The following TUT4 variants were observed in gnomAD, a reference collection of about 807,000 sequenced individuals.
TUT4 encodes terminal uridylyltransferase 4.
In TUT4, 36 loss-of-function variants were observed where a neutral mutation model predicts 192.2. The ratio of observed to expected loss-of-function variants is 0.19; its 90% CI spans 0.14 to 0.25. TUT4 has a LOEUF of 0.25. Ranked by LOEUF, TUT4 falls within the 10% of genes least tolerant of loss-of-function variation. TUT4 has a pLI of 1.00. For missense variants in TUT4, 1,493 were observed against 1,957.2 expected (o/e 0.76, Z 4.47); for synonymous variants, 618 against 666.0 (o/e 0.93, Z 1.11).
chr1:52,493,169 C>T (rs952119528), intron 7 of TUT4, among the ~76,000 whole-genome samples: 1 of 152,150 alleles, frequency 6.6e-6, no homozygotes, highest in Non-Finnish European at 1.5e-5. Context: ...CTGCAACCTC[C>T]GCATCCCGGG....
At chr1:52,446,952 G>T (rs1418259637) in intron 20 of TUT4, among the ~76,000 whole-genome samples, 3 of 152,060 alleles carry the variant, frequency 2.0e-5, no homozygotes, top group Admixed American at 1.3e-4. Flanking sequence ...CAAGAATAAT[G>T]AAGCAAAACT....
chr1:52,450,148 G>A (rs1295475155), intron 20 of TUT4, among the ~76,000 whole-genome samples: 1 of 152,156 alleles, frequency 6.6e-6, no homozygotes, highest in Non-Finnish European at 1.5e-5. Flanking sequence ...AATGCTCTTA[G>A]CTGTGCCTTA....
chr1:52,522,716 A>T (rs956567498), intron 2 of TUT4, among the ~76,000 whole-genome samples: 2 of 152,148 alleles, frequency 1.3e-5, no homozygotes, highest in Non-Finnish European at 2.9e-5. Context: ...ACCTGAGGTC[A>T]GGAGTCTGAG....
intron 8 of TUT4, 42 bp downstream of exon 8, chr1:52,490,689 TG>T: frequency 6.5e-7 from 1 of 1,549,282 alleles, no homozygotes; most frequent in Non-Finnish European, 8.8e-7. Flanking sequence ...ATTTGGTTGT[TG>T]GGGTTTGTTT....
intron 1 of TUT4, among the ~76,000 whole-genome samples, chr1:52,546,211 A>C (rs567881195): frequency 6.6e-6 from 1 of 152,274 alleles, no homozygotes; most frequent in Non-Finnish European, 1.5e-5. Flanking sequence ...GGTATATACC[A>C]AAAAAATTGA....
At chr1:52,512,823 A>C (rs1380389211) in intron 3 of TUT4, among the ~76,000 whole-genome samples, 2 of 152,188 alleles carry the variant, frequency 1.3e-5, no homozygotes, top group Non-Finnish European at 2.9e-5. Context: ...GGTACAGAGC[A>C]AAAGTCTACA....
chr1:52,438,402 G>C, intron 24 of TUT4, 67 bp from the exon 25 acceptor site: 1 of 1,052,148 alleles, frequency 9.5e-7, no homozygotes, highest in Non-Finnish European at 1.4e-6. Flanking sequence ...ATGGAAAGAA[G>C]ACCAAGATGC....
At chr1:52,534,077 C>T (rs2149552818) in intron 1 of TUT4, among the ~76,000 whole-genome samples, 1 of 152,320 alleles carries the variant, frequency 6.6e-6, no homozygotes, top group East Asian at 1.9e-4. Context: ...GACCTCTTTC[C>T]ACTCCCCTCA....
chr1:52,457,071 T>C (rs1570495418), intron 20 of TUT4, among the ~76,000 whole-genome samples: 1 of 152,186 alleles, frequency 6.6e-6, no homozygotes, highest in South Asian at 2.1e-4. Flanking sequence ...CCAACACAGA[T>C]TCAGCAACTT....
chr1:52,443,460 G>A (rs538795234), intron 24 of TUT4, among the ~76,000 whole-genome samples: 22 of 138,500 alleles, frequency 1.6e-4, no homozygotes, highest in African/African-American at 5.1e-4. Flanking sequence ...GTGGTGGCGC[G>A]TGCCTGTAAT....
chr1:52,453,272 C>A (rs1322201729), intron 20 of TUT4, among the ~76,000 whole-genome samples: 1 of 151,670 alleles, frequency 6.6e-6, no homozygotes, highest in Non-Finnish European at 1.5e-5. Flanking sequence ...ATCCCACCTA[C>A]TGGGGAGGCT....
Position 52,461,086 on chromosome 1 carries a change from A to T in TUT4, c.3321+48T>A, listed in dbSNP as rs748134739. The T allele has an allele frequency of 3.5e-6, 5 of 1,442,868 alleles. No individual in the cohort carries two copies. In the East Asian group the frequency reaches 9.2e-5, roughly 26 times the overall value. The allele number at this position is 1,442,868 out of a possible 1,614,324, so 89.4% of individuals were successfully genotyped here. A position where few individuals can be genotyped will look rare whatever the true frequency, so the allele number is the denominator to read the frequency against. On this transcript the variant is annotated intron_variant, in intron 19 of 29. Coordinates refer to ENST00000257177, the MANE Select transcript of TUT4 (RefSeq NM_001009881.3). ...ACAAATCTGACATTAGTTATGTTTC[A>T]TTTTAATTATCATGAACAAAGCAGA...
intron 1 of TUT4, among the ~76,000 whole-genome samples, chr1:52,527,797 G>C (rs973349966): frequency 1.3e-5 from 2 of 152,118 alleles, no homozygotes; most frequent in East Asian, 1.9e-4. Flanking sequence ...TGTTGAAAGT[G>C]GGGGAGGCTA....
intron 1 of TUT4, among the ~76,000 whole-genome samples, chr1:52,537,151 G>T (rs1462491454): frequency 6.6e-6 from 1 of 151,926 alleles, no homozygotes; most frequent in East Asian, 1.9e-4. Flanking sequence ...CAATAATAGT[G>T]AAACTCCATC....
intron 27 of TUT4, chr1:52,433,333 AG>A (rs1652703562): frequency 6.6e-6 from 1 of 152,218 alleles, no homozygotes; most frequent in Non-Finnish European, 1.5e-5. Context: ...AGCCTCCTAA[AG>A]TGCTGGGATT....
chr1:52,458,833 A>G (rs767572072), intron 19 of TUT4, among the ~76,000 whole-genome samples: 17 of 152,220 alleles, frequency 1.1e-4, no homozygotes, highest in Non-Finnish European at 2.1e-4. Context: ...CAGCAATCCT[A>G]TTCTAAGAAT....
rs563210773 is a variant in TUT4 at position 52,471,059 on chromosome 1, C to T, written c.2878+893G>A. On this transcript the variant is annotated intron_variant, in intron 14 of 29. Transcript: ENST00000257177. ...TAAGACGGAGTCTCACTCTGTTGCC[C>T]GGGCTGGAGTGCAGTGGCATAATCT... is the stretch of plus-strand genomic sequence containing the variant. Among the ~76,000 whole-genome samples, 65 of 145,382 alleles carry T rather than the reference C, an allele frequency of 4.5e-4. 1 individual carries two copies. The highest frequency in any genetic ancestry group is 1.5e-3 in the African/African-American group (60 of 38,764).
rs76109653 is a variant in TUT4, at chr1:52,495,728, C to T, written c.1178-213G>A. Among the ~76,000 whole-genome samples, 768 of 152,134 alleles carry T rather than the reference C, an allele frequency of 5.0e-3. 8 individuals carry two copies. Among genetic ancestry groups the T allele is most frequent in the African/African-American group, 0.017 (711 of 41,530 alleles). On this transcript the variant is annotated intron_variant, in intron 5 of 29. Coordinates refer to ENST00000257177, the MANE Select transcript of TUT4 (RefSeq NM_001009881.3). ...TAGGAACAGAGAAGGGAGAGAGAAA[C>T]TACTCACAGAAGCTTACTGTTTAAA...
Position 52,423,845 on chromosome 1 carries a change from A to G in TUT4, c.*90T>C. On this transcript the variant is annotated 3_prime_UTR_variant, in exon 30 of 30. Transcript: ENST00000257177. Reference sequence around the variant, plus strand: ...AAATGTCACTTTTTCTGCTGAATGTAACTGACATTGAGGTACGGATACCCT... The same window carrying G: ...AAATGTCACTTTTTCTGCTGAATGTGACTGACATTGAGGTACGGATACCCT... 6.4e-7 allele frequency: 1 copy of G among 1,564,700 alleles called. No homozygotes were observed. Among genetic ancestry groups the G allele is most frequent in the Non-Finnish European group, 8.7e-7 (1 of 1,154,866 alleles).
Sources: allele counts gnomAD v4.1 joint callset (sites outside exome capture counted in the v4.1 genomes callset), GRCh38; gene constraint gnomAD v4.1.1; transcripts MANE v1.5; gene names NCBI Gene and HGNC (gene_info 2026-07-23, HGNC 2026-07-21).